The following KRT8 variants were observed in gnomAD, a reference collection of about 807,000 sequenced individuals.
KRT8 encodes keratin, type II cytoskeletal 8.
KRT8 carries 24 observed loss-of-function variants against 43.0 expected under a neutral mutation model. That is an observed-to-expected ratio of 0.56 (90% confidence interval 0.40 to 0.78). KRT8 has a LOEUF of 0.78. Ranked by LOEUF, KRT8 falls within the 30% of genes least tolerant of loss-of-function variation. KRT8 has a pLI of 0.00. For missense variants in KRT8, 492 were observed against 638.4 expected (o/e 0.77, Z 2.47); for synonymous variants, 214 against 261.2 (o/e 0.82, Z 1.74).
chr12:52,899,855 G>A (rs779567972), exon 5 of KRT8: 24 of 1,612,208 alleles, frequency 1.5e-5, no homozygotes, highest in East Asian at 6.7e-5. Flanking sequence ...TTTGTGCGCC[G>A]CAGGTCATCC....
chr12:52,945,939 T>C (rs967907697), intron 2 of KRT8, among the ~76,000 whole-genome samples: 13 of 151,084 alleles, frequency 8.6e-5, no homozygotes, highest in African/African-American at 3.2e-4. Flanking sequence ...TCACCCCAGC[T>C]CTCCAAGAGG....
chr12:52,925,533 T>C (rs1028954117), intron 2 of KRT8, among the ~76,000 whole-genome samples: 6 of 152,146 alleles, frequency 3.9e-5, no homozygotes, highest in Non-Finnish European at 7.3e-5. Context: ...GCCCCATTGA[T>C]ACCTGAAGTG....
At chr12:52,949,810 G>A in exon 1 of KRT8, 1 of 707,266 alleles carries the variant, frequency 1.4e-6, no homozygotes, top group East Asian at 2.7e-5. Context: ...AAGGGGACAG[G>A]GTTGAGAGCT....
chr12:52,907,676 G>A (rs1287100018), upstream of KRT8, among the ~76,000 whole-genome samples: 2 of 152,168 alleles, frequency 1.3e-5, no homozygotes, highest in Non-Finnish European at 2.9e-5. Flanking sequence ...GCCCAGAACC[G>A]TCTAGGGCCA....
upstream of KRT8, among the ~76,000 whole-genome samples, chr12:52,909,073 A>G (rs1941580218): frequency 1.3e-5 from 2 of 152,274 alleles, no homozygotes; most frequent in African/African-American, 2.4e-5. Flanking sequence ...GTCTGTGAAC[A>G]TACTAAAAAT....
chr12:52,914,191 C>T lies in KRT8; in HGVS notation c.-46-9164G>A, dbSNP rs530442461. Among the ~76,000 whole-genome samples the T allele has an allele frequency of 1.6e-4, 25 of 151,920 alleles. No individual in the cohort carries two copies. In the South Asian group the frequency reaches 4.6e-3, roughly 28 times the overall value. ...TGAGCCAAGACTGCCCTATTGCACT[C>T]CAGCCTGGGCGACAGAGCGAGACTC... On this transcript the variant is annotated intron_variant, in intron 2 of 6. Coordinates refer to the KRT8 transcript ENST00000546826.
At chr12:52,902,294 A>G (rs1941392008) in intron 1 of KRT8, 1 of 580,772 alleles carries the variant, frequency 1.7e-6, no homozygotes, top group Admixed American at 3.0e-5. Context: ...GGGTAGGGGA[A>G]GGAGACAGGT....
intron 2 of KRT8, among the ~76,000 whole-genome samples, chr12:52,945,632 A>G (rs1942331619): frequency 6.6e-6 from 1 of 152,096 alleles, no homozygotes; most frequent in Non-Finnish European, 1.5e-5. Context: ...ACCCACCCCT[A>G]TCGGGTCATC....
At position 52,898,665 on chromosome 12, in the gene KRT8, G is replaced by T. The variant is rs750085507; in HGVS notation, c.1202+14C>A. 3 of 1,614,016 alleles carry T rather than the reference G, an allele frequency of 1.9e-6. No homozygotes were observed. The African/African-American group carries it at 4.0e-5, about 22-fold the overall frequency. On this transcript the variant is annotated intron_variant, in intron 6 of 7. Coordinates refer to ENST00000692008, the Ensembl canonical transcript of KRT8. The stretch of plus-strand genomic sequence containing the variant: ...GATAGGGAAGCAGGTCCGGTCAGAG[G>T]TACCCACACCCACCGGCTCTCCTCG...
At chr12:52,916,273 G>C (rs951225561) in intron 2 of KRT8, among the ~76,000 whole-genome samples, 1 of 152,170 alleles carries the variant, frequency 6.6e-6, no homozygotes, top group Non-Finnish European at 1.5e-5. Context: ...GACTAGAAAG[G>C]GGGCTACTGC....
intron 2 of KRT8, among the ~76,000 whole-genome samples, chr12:52,924,482 C>A (rs1037790766): frequency 6.6e-6 from 1 of 151,514 alleles, no homozygotes; most frequent in Non-Finnish European, 1.5e-5. Flanking sequence ...TTGATTTGGG[C>A]TCTCAGCTTT....
chr12:52,917,923 AAGG>A (rs1241022438), intron 2 of KRT8, among the ~76,000 whole-genome samples: 3 of 149,166 alleles, frequency 2.0e-5, no homozygotes, highest in Non-Finnish European at 4.4e-5. Context: ...GAAAAAGAAG[AAGG>A]AGAAGGAGAA....
intron 2 of KRT8, among the ~76,000 whole-genome samples, chr12:52,926,111 T>C (rs1208443955): frequency 6.6e-6 from 1 of 151,926 alleles, no homozygotes; most frequent in Non-Finnish European, 1.5e-5. Context: ...CTTCTAGACA[T>C]GTACACACTG....
intron 2 of KRT8, among the ~76,000 whole-genome samples, chr12:52,912,281 G>A (rs758659031): frequency 7.9e-5 from 12 of 152,144 alleles, no homozygotes; most frequent in East Asian, 1.9e-4. Flanking sequence ...TTACTGCAGC[G>A]TTGCTTGAAA....
chr12:52,918,029 G>C (rs1243581059), intron 2 of KRT8, among the ~76,000 whole-genome samples: 1 of 46,612 alleles, frequency 2.1e-5, no homozygotes, highest in Admixed American at 1.7e-4. Context: ...AAGAAGAAGA[G>C]GAGGAGGAGA....
intron 2 of KRT8, among the ~76,000 whole-genome samples, chr12:52,938,824 A>T (rs1253760490): frequency 1.3e-5 from 2 of 152,012 alleles, no homozygotes; most frequent in African/African-American, 2.4e-5. Flanking sequence ...TCACCGTGTT[A>T]ACCAGGATTG....
Position 52,898,660 on chromosome 12 carries a change from C to T in KRT8, c.1202+19G>A, listed in dbSNP as rs1005899885. ...CCAGGGATAGGGAAGCAGGTCCGGT[C>T]AGAGGTACCCACACCCACCGGCTCT... On this transcript the variant is annotated intron_variant, in intron 6 of 7. Transcript: ENST00000692008. 24 of 1,614,056 alleles carry T rather than the reference C, an allele frequency of 1.5e-5. No individual in the cohort carries two copies. In the East Asian group the frequency reaches 4.9e-4, roughly 33 times the overall value.
chr12:52,898,244 C>T (rs1451691137), intron 7 of KRT8, among the ~76,000 whole-genome samples: 1 of 152,160 alleles, frequency 6.6e-6, no homozygotes. Flanking sequence ...TGGCACACAG[C>T]TATGGTTTAT....
intron 2 of KRT8, among the ~76,000 whole-genome samples, chr12:52,933,282 T>C (rs561081448): frequency 3.3e-5 from 5 of 152,190 alleles, no homozygotes; most frequent in Non-Finnish European, 7.3e-5. Flanking sequence ...CAATGAGAAA[T>C]TGGAAATTCA....
Sources: gnomAD v4.1 joint callset for allele counts (sites outside exome capture counted in the v4.1 genomes callset) on GRCh38, gnomAD v4.1.1 for gene constraint, MANE v1.5 for transcripts, NCBI Gene and HGNC (gene_info 2026-07-23, HGNC 2026-07-21) for gene names.